The following SLC1A1 variants were observed in gnomAD, a reference collection of about 807,000 sequenced individuals.
The protein encoded by SLC1A1 is solute carrier family 1 member 1, also known as excitatory amino acid transporter 3.
In SLC1A1, 43 loss-of-function variants were observed where a neutral mutation model predicts 53.3. The observed-to-expected ratio is 0.81, with a 90% confidence interval of 0.63 to 1.04. The LOEUF is 1.04. Ranked by LOEUF, SLC1A1 falls within the 50% of genes least tolerant of loss-of-function variation. SLC1A1 has a pLI of 0.00. For synonymous variants in SLC1A1, 307 were observed against 243.2 expected, an observed-to-expected ratio of 1.26 and a Z score of -2.44; for missense variants, 748 against 664.9, an observed-to-expected ratio of 1.12 and a Z score of -1.37.
chr9:4,491,028 A>C (rs1466823976), intron 1 of SLC1A1, among the ~76,000 whole-genome samples: 1 of 152,242 alleles, frequency 6.6e-6, no homozygotes, highest in Non-Finnish European at 1.5e-5. Flanking sequence ...AAAATGATCA[A>C]AGGGGCTTGG....
intron 4 of SLC1A1, among the ~76,000 whole-genome samples, chr9:4,565,366 A>G (rs549422635): frequency 6.6e-5 from 10 of 152,238 alleles, no homozygotes; most frequent in Non-Finnish European, 1.3e-4. Context: ...TCACACTGCT[A>G]TAAAGAACTA....
intron 1 of SLC1A1, among the ~76,000 whole-genome samples, chr9:4,510,927 C>T (rs917955123): frequency 2.0e-5 from 3 of 152,206 alleles, no homozygotes; most frequent in African/African-American, 7.2e-5. Flanking sequence ...AGAAGGTATG[C>T]TGTTCACTGC....
Position 4,490,577 on chromosome 9 carries a change from C to T in SLC1A1, c.-103C>T. 1.1e-6 allele frequency: 1 copy of T among 897,342 alleles called. No homozygotes were observed. The highest frequency in any genetic ancestry group is 2.0e-5 in the Admixed American group (1 of 49,188). The allele number at this position is 897,342 out of a possible 1,614,324, so 55.6% of individuals were successfully genotyped here. On this transcript the variant is annotated 5_prime_UTR_variant, in exon 1 of 12. Coordinates refer to ENST00000262352, the MANE Select transcript of SLC1A1 (RefSeq NM_004170.6). Reference sequence around the variant, plus strand: ...GCAGCGGCCGGCTCTCACCTCTCCCCTGTGCACCCGCATCTCGCCGCGCCG... The same window carrying T: ...GCAGCGGCCGGCTCTCACCTCTCCCTTGTGCACCCGCATCTCGCCGCGCCG...
chr9:4,507,619 C>T (rs1820848570), intron 1 of SLC1A1, among the ~76,000 whole-genome samples: 1 of 152,082 alleles, frequency 6.6e-6, no homozygotes, highest in Non-Finnish European at 1.5e-5. Context: ...GGTTGGGAGT[C>T]ATGAGGAAGA....
chr9:4,513,544 A>C (rs933175499), intron 1 of SLC1A1, among the ~76,000 whole-genome samples: 3 of 152,186 alleles, frequency 2.0e-5, no homozygotes, highest in Non-Finnish European at 2.9e-5. Flanking sequence ...AAAAAAATAC[A>C]ACACCAAGTG....
rs1820194467 is a variant in SLC1A1, at chr9:4,490,605, G to A, written c.-75G>A. The A allele has an allele frequency of 7.3e-6, 9 of 1,238,598 alleles. No homozygotes were observed. In the Middle Eastern group the frequency reaches 8.9e-4, roughly 122 times the overall value. 76.7% of individuals were successfully genotyped at this position (1,238,598 alleles called of 1,614,324 possible). On this transcript the variant is annotated 5_prime_UTR_variant, in exon 1 of 12. Transcript: ENST00000262352. ...TGCACCCGCATCTCGCCGCGCCGCC[G>A]AGCAGCCAGCAGTCCCCGGGTCGCC...
chr9:4,520,120 GATC>G (rs1452572469), intron 1 of SLC1A1, among the ~76,000 whole-genome samples: 1 of 152,088 alleles, frequency 6.6e-6, no homozygotes, highest in Non-Finnish European at 1.5e-5. Flanking sequence ...TCTTTAAATT[GATC>G]ATCATCTTTT....
intron 2 of SLC1A1, chr9:4,554,335 T>C (rs1395917771): frequency 6.6e-6 from 1 of 152,240 alleles, no homozygotes; most frequent in African/African-American, 2.4e-5. Flanking sequence ...GCACTGAGTA[T>C]ACATTCGTGA....
At chr9:4,531,342 C>G (rs1265598444) in intron 1 of SLC1A1, among the ~76,000 whole-genome samples, 1 of 152,162 alleles carries the variant, frequency 6.6e-6, no homozygotes. Flanking sequence ...CCTGGAAAAT[C>G]GGGTCACTCC....
Position 4,567,725 on chromosome 9 carries a change from AGAAGAGTCCTTC to A in SLC1A1, c.541_552del (p.Glu181_Phe184del). On this transcript the variant is annotated inframe_deletion, in exon 6 of 12. Coordinates refer to ENST00000262352, the MANE Select transcript of SLC1A1 (RefSeq NM_004170.6). ...CCAGCGATCCAGAGATGAACATGAC[AGAAGAGTCCTTC>A]ACAGCTGTCATGACAACTGCAATTT... The A allele has an allele frequency of 6.2e-7, 1 of 1,613,386 alleles. No homozygotes were observed. The highest frequency in any genetic ancestry group is 8.5e-7 in the Non-Finnish European group (1 of 1,179,440).
At chr9:4,522,168 A>C (rs923376606) in intron 1 of SLC1A1, among the ~76,000 whole-genome samples, 12 of 147,998 alleles carry the variant, frequency 8.1e-5, no homozygotes, top group South Asian at 2.1e-4. Flanking sequence ...TCTCCTGCCT[A>C]AGCCTCCCGA....
chr9:4,491,793 G>A (rs149111407), intron 1 of SLC1A1, among the ~76,000 whole-genome samples: 1 of 152,352 alleles, frequency 6.6e-6, no homozygotes, highest in Non-Finnish European at 1.5e-5. Context: ...CTTGGAAACT[G>A]CAGCTGTGTT....
intron 1 of SLC1A1, among the ~76,000 whole-genome samples, chr9:4,536,128 G>T (rs985509258): frequency 5.3e-5 from 8 of 152,126 alleles, no homozygotes; most frequent in African/African-American, 1.9e-4. Flanking sequence ...CAGGACATCG[G>T]CATGGGCAAG....
rs1311211011 is a variant in SLC1A1, at chr9:4,495,164, C to T, written c.91+4394C>T. Reference sequence around the variant, plus strand: ...ATTTGAGACGTGGCATAGGCTTTCCCGCTTTGTCTGTGAAGCCCCTGAGGA... The same window carrying T: ...ATTTGAGACGTGGCATAGGCTTTCCTGCTTTGTCTGTGAAGCCCCTGAGGA... On this transcript the variant is annotated intron_variant, in intron 1 of 11. Coordinates refer to ENST00000262352, the MANE Select transcript of SLC1A1 (RefSeq NM_004170.6). 2.6e-5 allele frequency among the ~76,000 whole-genome samples: 4 copies of T among 152,320 alleles called. No individual in the cohort carries two copies. The East Asian group carries it at 5.8e-4, about 22-fold the overall frequency.
At chr9:4,496,452 T>C (rs771422424) in intron 1 of SLC1A1, among the ~76,000 whole-genome samples, 1 of 152,104 alleles carries the variant, frequency 6.6e-6, no homozygotes, top group Non-Finnish European at 1.5e-5. Flanking sequence ...ATGCCTGGCT[T>C]CAAGCTGTCC....
At chr9:4,574,124 A>G (rs985911193) in intron 8 of SLC1A1, 110 bp downstream of exon 8, 8 of 781,406 alleles carry the variant, frequency 1.0e-5, no homozygotes, top group Admixed American at 1.8e-5. Flanking sequence ...ATGTGCTGGG[A>G]AAGATAGGGT....
intron 1 of SLC1A1, among the ~76,000 whole-genome samples, chr9:4,533,661 A>C (rs1816562149): frequency 6.6e-6 from 1 of 152,214 alleles, no homozygotes; most frequent in Non-Finnish European, 1.5e-5. Flanking sequence ...TCAACGAGAC[A>C]GAAAGTTAAC....
chr9:4,509,143 C>T (rs1820906016), intron 1 of SLC1A1, among the ~76,000 whole-genome samples: 3 of 151,654 alleles, frequency 2.0e-5, no homozygotes, highest in African/African-American at 4.9e-5. Flanking sequence ...CAAGGGAGGG[C>T]GATCTGTGTG....
In SLC1A1 at chr9:4,527,346, G is replaced by A. The variant is rs147509083; in HGVS notation, c.92-17221G>A. ...CCATGGAAATTTTGAAATATTACCC[G>A]TGTGTTGTTTTAAGCTACTAAATTT... On this transcript the variant is annotated intron_variant, in intron 1 of 11. Transcript: ENST00000262352. Among the ~76,000 whole-genome samples the A allele has an allele frequency of 2.8e-3, 421 of 152,262 alleles. 2 individuals carry two copies. Among genetic ancestry groups the A allele is most frequent in the African/African-American group, 8.2e-3 (340 of 41,564 alleles).
Sources: gnomAD v4.1 joint callset for allele counts (sites outside exome capture counted in the v4.1 genomes callset) on GRCh38, gnomAD v4.1.1 for gene constraint, MANE v1.5 for transcripts, NCBI Gene and HGNC (gene_info 2026-07-23, HGNC 2026-07-21) for gene names.